MGMT: variants seen among roughly 807,000 people sequenced by gnomAD.
MGMT encodes O-6-methylguanine-DNA methyltransferase, also known as methylated-DNA--protein-cysteine methyltransferase.
A neutral mutation model predicts 15.9 loss-of-function variants in MGMT; 14 were observed. The ratio of observed to expected loss-of-function variants is 0.88; its 90% CI spans 0.58 to 1.37. MGMT has a LOEUF of 1.37. Ranked by LOEUF, MGMT falls within the 40% of genes most tolerant of loss-of-function variation. The probability of loss-of-function intolerance (pLI) is 0.00; values close to 1 mark genes in which losing one functional copy is unlikely to be tolerated. For missense variants in MGMT, 282 were observed against 268.1 expected (o/e 1.05, Z -0.36); for synonymous variants, 130 against 118.2 (o/e 1.10, Z -0.65).
intron 1 of MGMT, among the ~76,000 whole-genome samples, chr10:129,470,746 A>C (rs1321035102): frequency 6.6e-6 from 1 of 152,220 alleles, no homozygotes; most frequent in Non-Finnish European, 1.5e-5. Flanking sequence ...CTTGGTTTTG[A>C]CACCACAAGT....
At chr10:129,760,627 G>A (rs926052829) in intron 4 of MGMT, among the ~76,000 whole-genome samples, 1 of 152,198 alleles carries the variant, frequency 6.6e-6, no homozygotes, top group African/African-American at 2.4e-5. Flanking sequence ...CAGAGCCTCC[G>A]TTTCTAGGAG....
At chr10:129,687,769 A>G (rs1392183077) in intron 2 of MGMT, among the ~76,000 whole-genome samples, 1 of 150,990 alleles carries the variant, frequency 6.6e-6, no homozygotes, top group South Asian at 2.1e-4. Context: ...ACGTATGTAT[A>G]CATGTGCCAT....
rs1156585458 is a variant in MGMT at position 129,536,412 on chromosome 10, CA to C, written c.125+36del. ...AGCCCACGTGATCCTGTATACCGCA[CA>C]TGCTGAAGCAACCGAGGAGTATATG... On this transcript the variant is annotated intron_variant, in intron 2 of 4. Transcript: ENST00000651593. 3 of 1,593,052 alleles carry C rather than the reference CA, an allele frequency of 1.9e-6. No individual in the cohort carries two copies. In the Admixed American group the frequency reaches 5.6e-5, roughly 30 times the overall value.
At chr10:129,752,495 T>C (rs1848760293) in intron 3 of MGMT, among the ~76,000 whole-genome samples, 1 of 151,980 alleles carries the variant, frequency 6.6e-6, no homozygotes, top group East Asian at 1.9e-4. Flanking sequence ...AATGTTTCAA[T>C]TTAGGTCTAA....
At chr10:129,687,622 G>C (rs558403495) in intron 2 of MGMT, among the ~76,000 whole-genome samples, 10 of 151,434 alleles carry the variant, frequency 6.6e-5, no homozygotes, top group Non-Finnish European at 1.3e-4. Flanking sequence ...ATATTGCTTT[G>C]TTTCCCTTAC....
At chr10:129,516,830 C>T (rs1845743353) in intron 1 of MGMT, among the ~76,000 whole-genome samples, 2 of 152,110 alleles carry the variant, frequency 1.3e-5, no homozygotes, top group African/African-American at 4.8e-5. Flanking sequence ...AGGTTTTTGT[C>T]GTTAGCTTAT....
At chr10:129,643,707 C>T (rs1240134043) in intron 2 of MGMT, among the ~76,000 whole-genome samples, 1 of 152,240 alleles carries the variant, frequency 6.6e-6, no homozygotes, top group African/African-American at 2.4e-5. Context: ...AGTCTGTTAA[C>T]CACCTCTTCG....
At chr10:129,541,183 A>G (rs1020831125) in intron 2 of MGMT, among the ~76,000 whole-genome samples, 3 of 152,264 alleles carry the variant, frequency 2.0e-5, no homozygotes, top group Admixed American at 6.5e-5. Flanking sequence ...CACGGGGACC[A>G]ATGACTTCCT....
intron 3 of MGMT, among the ~76,000 whole-genome samples, chr10:129,721,614 A>G (rs1043861570): frequency 5.3e-5 from 8 of 152,236 alleles, no homozygotes; most frequent in Admixed American, 2.6e-4. Flanking sequence ...ACATATGACA[A>G]CAATAGCATA....
chr10:129,541,185 T>C (rs117035218), intron 2 of MGMT, among the ~76,000 whole-genome samples: 5,760 of 152,382 alleles, frequency 0.038, 170 homozygotes, highest in South Asian at 0.066. Flanking sequence ...CGGGGACCAA[T>C]GACTTCCTTG....
intron 2 of MGMT, among the ~76,000 whole-genome samples, chr10:129,609,595 G>A (rs1306434042): frequency 1.3e-5 from 2 of 152,226 alleles, no homozygotes; most frequent in Non-Finnish European, 2.9e-5. Flanking sequence ...TGCAAACTCT[G>A]GTGCTGGGAG....
At chr10:129,697,643 T>C (rs759903509) in intron 2 of MGMT, among the ~76,000 whole-genome samples, 18 of 152,186 alleles carry the variant, frequency 1.2e-4, no homozygotes, top group Non-Finnish European at 2.4e-4. Flanking sequence ...ATCGAGCTGT[T>C]TTCCCAGAGT....
At position 129,554,866 on chromosome 10, in the gene MGMT, C is replaced by T. The variant is rs185484663; in HGVS notation, c.125+18489C>T. On this transcript the variant is annotated intron_variant, in intron 2 of 4. Coordinates refer to ENST00000651593, the MANE Select transcript of MGMT (RefSeq NM_002412.5). ...CAGAAGTGACATTGTGTGGTGTGAA[C>T]GCTGTCTCCGGAGCGAGATTCCTAA... 6.6e-5 allele frequency among the ~76,000 whole-genome samples: 10 copies of T among 152,242 alleles called. No individual in the cohort carries two copies. In the East Asian group the frequency reaches 1.7e-3, roughly 26 times the overall value.
intron 2 of MGMT, among the ~76,000 whole-genome samples, chr10:129,558,327 C>T (rs1225897382): frequency 6.6e-6 from 1 of 152,220 alleles, no homozygotes; most frequent in African/African-American, 2.4e-5. Context: ...CGATGAACCA[C>T]ACCCTTAGTG....
chr10:129,652,920 T>G (rs1847478602), intron 2 of MGMT, among the ~76,000 whole-genome samples: 1 of 152,232 alleles, frequency 6.6e-6, no homozygotes, highest in African/African-American at 2.4e-5. Flanking sequence ...GTTTTGGGAC[T>G]GTGCTGGCAG....
At chr10:129,547,206 A>G (rs1334696791) in intron 2 of MGMT, among the ~76,000 whole-genome samples, 3 of 152,314 alleles carry the variant, frequency 2.0e-5, no homozygotes, top group African/African-American at 4.8e-5. Flanking sequence ...GCTTTGTTCC[A>G]TAACGTCCTG....
At chr10:129,707,184 G>A (rs1242560561) in intron 2 of MGMT, among the ~76,000 whole-genome samples, 2 of 152,112 alleles carry the variant, frequency 1.3e-5, no homozygotes, top group Non-Finnish European at 2.9e-5. Flanking sequence ...AGATGAGGCA[G>A]AAGAATCACT....
At chr10:129,468,174 C>A (rs974663569) in intron 1 of MGMT, among the ~76,000 whole-genome samples, 1 of 152,190 alleles carries the variant, frequency 6.6e-6, no homozygotes, top group African/African-American at 2.4e-5. Flanking sequence ...GTCAGGCTCT[C>A]CCGTCATCTC....
At chr10:129,478,235 T>C (rs1221510696) in intron 1 of MGMT, among the ~76,000 whole-genome samples, 1 of 9,676 alleles carries the variant, frequency 1.0e-4, no homozygotes, top group African/African-American at 4.5e-4. Context: ...GTTGGTTGAT[T>C]TTTTCCCCCC....
Sources: gnomAD v4.1 joint callset for allele counts (sites outside exome capture counted in the v4.1 genomes callset) on GRCh38, gnomAD v4.1.1 for gene constraint, MANE v1.5 for transcripts, NCBI Gene and HGNC (gene_info 2026-07-23, HGNC 2026-07-21) for gene names.